MICAL3: variants seen among roughly 807,000 people sequenced by gnomAD.
MICAL3 encodes the protein [F-actin]-monooxygenase MICAL3.
In MICAL3, 62 loss-of-function variants were observed where a neutral mutation model predicts 207.4. The observed-to-expected ratio is 0.30, with a 90% CI of 0.24 to 0.37. MICAL3 has a LOEUF of 0.37. Ranked by LOEUF, MICAL3 falls within the 10% of genes least tolerant of loss-of-function variation. MICAL3 has a pLI of 1.00. For missense variants in MICAL3, 2,368 were observed against 2,635.6 expected, an observed-to-expected ratio of 0.90 and a Z score of 2.22; for synonymous variants, 1,077 against 1,069.3, an observed-to-expected ratio of 1.01 and a Z score of -0.14.
intron 1 of MICAL3, among the ~76,000 whole-genome samples, chr22:17,959,932 T>C (rs1278171715): frequency 6.6e-6 from 1 of 152,204 alleles, no homozygotes; most frequent in African/African-American, 2.4e-5. Flanking sequence ...GAAAAGCTCA[T>C]GATACCTTCC....
intron 1 of MICAL3, among the ~76,000 whole-genome samples, chr22:17,952,657 G>A (rs1029171307): frequency 2.0e-5 from 3 of 152,212 alleles, no homozygotes; most frequent in African/African-American, 7.2e-5. Context: ...AGCTCCCAAG[G>A]CCTGCTGCCA....
chr22:17,832,431 G>A (rs1602001918), intron 20 of MICAL3, among the ~76,000 whole-genome samples: 1 of 152,198 alleles, frequency 6.6e-6, no homozygotes, highest in Non-Finnish European at 1.5e-5. Flanking sequence ...CTGTGGAGGG[G>A]AGTGTGCAGA....
chr22:17,802,361 A>T (rs765775692), intron 29 of MICAL3, among the ~76,000 whole-genome samples: 8 of 152,218 alleles, frequency 5.3e-5, no homozygotes, highest in Non-Finnish European at 1.0e-4. Flanking sequence ...TTTTTCACAC[A>T]GTGAAATTCA....
intron 1 of MICAL3, among the ~76,000 whole-genome samples, chr22:17,958,844 G>C (rs9754511): frequency 0.2 from 30,342 of 149,924 alleles, 3,195 homozygotes; most frequent in Middle Eastern, 0.28. Flanking sequence ...GCTGAGATTA[G>C]AGGCGTCCGC....
At chr22:17,916,022 A>G (rs1448665189) in intron 1 of MICAL3, among the ~76,000 whole-genome samples, 1 of 134,826 alleles carries the variant, frequency 7.4e-6, no homozygotes, top group Non-Finnish European at 1.6e-5. Flanking sequence ...GCACCACTGC[A>G]TTCCAGCCTG....
intron 19 of MICAL3, chr22:17,862,047 T>C: frequency 6.1e-6 from 6 of 985,228 alleles, no homozygotes; most frequent in Non-Finnish European, 7.2e-6. Flanking sequence ...CACAGCTGGG[T>C]CAAACACTGC....
chr22:17,812,993 G>T (rs542616438), intron 27 of MICAL3: 1 of 152,112 alleles, frequency 6.6e-6, no homozygotes, highest in Admixed American at 6.5e-5. Context: ...AGTGGGGTGC[G>T]GGAGGAAAGG....
At chr22:17,819,400 G>A (rs1921299232) in intron 25 of MICAL3, among the ~76,000 whole-genome samples, 1 of 152,062 alleles carries the variant, frequency 6.6e-6, no homozygotes, top group African/African-American at 2.4e-5. Context: ...TATATTCTTT[G>A]TCCACTCACA....
chr22:17,994,474 C>T (rs1449979711), intron 1 of MICAL3, among the ~76,000 whole-genome samples: 1 of 152,124 alleles, frequency 6.6e-6, no homozygotes, highest in Non-Finnish European at 1.5e-5. Flanking sequence ...GCCTGTAATC[C>T]CAGCACTTTG....
At chr22:17,799,356 A>G (rs1471185930) in intron 29 of MICAL3, among the ~76,000 whole-genome samples, 1 of 152,188 alleles carries the variant, frequency 6.6e-6, no homozygotes, top group African/African-American at 2.4e-5. Flanking sequence ...GGTGGGTTCC[A>G]GCCCGGGTGA....
intron 1 of MICAL3, among the ~76,000 whole-genome samples, chr22:17,978,685 A>G (rs1233107866): frequency 2.0e-5 from 3 of 151,668 alleles, no homozygotes; most frequent in Non-Finnish European, 2.9e-5. Context: ...CACCCAGCTA[A>G]TTTTTGTAGT....
intron 1 of MICAL3, among the ~76,000 whole-genome samples, chr22:17,931,548 T>C (rs1199759897): frequency 6.6e-6 from 1 of 152,176 alleles, no homozygotes; most frequent in East Asian, 1.9e-4. Flanking sequence ...CCTGGCAAAC[T>C]ACCAGCAAGC....
chr22:17,961,954 T>C (rs980178674), intron 1 of MICAL3, among the ~76,000 whole-genome samples: 3 of 152,202 alleles, frequency 2.0e-5, no homozygotes, highest in Non-Finnish European at 2.9e-5. Context: ...TTTCCTTTCC[T>C]AGGCAAATCC....
chr22:17,963,043 C>CCTCTA (rs1433956905), intron 1 of MICAL3, among the ~76,000 whole-genome samples: 1 of 152,186 alleles, frequency 6.6e-6, no homozygotes, highest in East Asian at 1.9e-4. Flanking sequence ...TGAGCCACCA[C>CCTCTA]ACCTAGCCAG....
chr22:17,955,549 G>A (rs1245316110), intron 1 of MICAL3, among the ~76,000 whole-genome samples: 2 of 152,220 alleles, frequency 1.3e-5, no homozygotes, highest in South Asian at 2.1e-4. Flanking sequence ...TCCAGAGAGA[G>A]CCCTGGCTGA....
intron 1 of MICAL3, among the ~76,000 whole-genome samples, chr22:17,952,049 C>T (rs1052145178): frequency 5.9e-5 from 9 of 152,164 alleles, no homozygotes; most frequent in South Asian, 4.1e-4. Flanking sequence ...AACTCAAGGG[C>T]TGCTATGTGA....
intron 19 of MICAL3, among the ~76,000 whole-genome samples, chr22:17,843,602 A>C (rs1164546688): frequency 6.6e-6 from 1 of 152,200 alleles, no homozygotes; most frequent in African/African-American, 2.4e-5. Context: ...ACACATACTC[A>C]TGTGGGGGTG....
At chr22:17,850,295 A>G (rs1253980663) in intron 19 of MICAL3, among the ~76,000 whole-genome samples, 1 of 151,240 alleles carries the variant, frequency 6.6e-6, no homozygotes, top group Non-Finnish European at 1.5e-5. Context: ...CATGCCGAGG[A>G]CACCCCTGCA....
At position 17,821,726 on chromosome 22, in the gene MICAL3, A is replaced by G. The variant is rs959513539; in HGVS notation, c.3449-217T>C. ...GCACTCTCTGCAGGTGCTCCTGTCA[A>G]CACCAGGTCAGGCCGTGGGCTTCCT... On this transcript the variant is annotated intron_variant, in intron 24 of 31. Coordinates refer to ENST00000441493, the MANE Select transcript of MICAL3 (RefSeq NM_015241.3). 5.9e-5 allele frequency among the ~76,000 whole-genome samples: 9 copies of G among 152,336 alleles called. 1 individual carries two copies. Among genetic ancestry groups the G allele is most frequent in the Middle Eastern group, 6.8e-3 (2 of 294 alleles).
Sources: allele counts gnomAD v4.1 joint callset (sites outside exome capture counted in the v4.1 genomes callset), GRCh38; gene constraint gnomAD v4.1.1; transcripts MANE v1.5; gene names NCBI Gene and HGNC (gene_info 2026-07-23, HGNC 2026-07-21).